TBXAS1: variants seen among roughly 807,000 people sequenced by gnomAD.
The protein encoded by TBXAS1 is thromboxane A synthase 1.
TBXAS1 carries 48 observed loss-of-function variants against 60.7 expected under a neutral mutation model. That is an observed-to-expected ratio of 0.79 (90% CI 0.63 to 1.01). TBXAS1 has a LOEUF of 1.01. TBXAS1 is among the 50% of genes least tolerant of loss of function. TBXAS1 has a pLI of 0.00. For missense variants in TBXAS1, 685 were observed against 686.3 expected (o/e 1.00, Z 0.02); for synonymous variants, 287 against 269.7 (o/e 1.06, Z -0.63).
intron 9 of TBXAS1, among the ~76,000 whole-genome samples, chr7:139,967,915 G>T (rs887289822): frequency 1.3e-5 from 2 of 152,174 alleles, no homozygotes; most frequent in Non-Finnish European, 2.9e-5. Context: ...AAATTAGAAG[G>T]TATAAGTCCG....
intron 10 of TBXAS1, among the ~76,000 whole-genome samples, chr7:140,014,365 G>T (rs1362733732): frequency 6.6e-6 from 1 of 152,180 alleles, no homozygotes; most frequent in East Asian, 1.9e-4. Context: ...GACCGCCCAG[G>T]GAAGAGGCCG....
At chr7:139,970,807 A>C (rs118060151) in intron 9 of TBXAS1, among the ~76,000 whole-genome samples, 134 of 152,246 alleles carry the variant, frequency 8.8e-4, no homozygotes, top group Non-Finnish European at 1.3e-3. Flanking sequence ...GTCATTTTCA[A>C]AGCAGATGAA....
intron 9 of TBXAS1, among the ~76,000 whole-genome samples, chr7:140,006,887 G>A (rs764422556): frequency 3.9e-5 from 6 of 152,158 alleles, no homozygotes; most frequent in Non-Finnish European, 7.3e-5. Flanking sequence ...CTGAGCCCCA[G>A]GCTAGCACCG....
chr7:139,998,063 A>G (rs994737119), intron 9 of TBXAS1, among the ~76,000 whole-genome samples: 7 of 152,348 alleles, frequency 4.6e-5, no homozygotes, highest in Non-Finnish European at 1.0e-4. Flanking sequence ...ACCACAACAC[A>G]CAACATGGGT....
At chr7:139,819,815 C>G (rs1485639974) in intron 4 of TBXAS1, among the ~76,000 whole-genome samples, 1 of 151,920 alleles carries the variant, frequency 6.6e-6, no homozygotes, top group Non-Finnish European at 1.5e-5. Context: ...CCCAACTCAG[C>G]TCTTATTTCT....
chr7:139,934,535 G>A (rs564671601), intron 4 of TBXAS1, among the ~76,000 whole-genome samples: 57 of 152,238 alleles, frequency 3.7e-4, no homozygotes, highest in African/African-American at 1.2e-3. Context: ...CTTGAACCCC[G>A]TATTAGTTTG....
chr7:139,879,042 G>C (rs1802477324), intron 3 of TBXAS1, among the ~76,000 whole-genome samples: 1 of 152,154 alleles, frequency 6.6e-6, no homozygotes, highest in Admixed American at 6.5e-5. Flanking sequence ...TGTCACCCTA[G>C]CAATTCAAGA....
At chr7:139,819,314 G>A (rs899317776) in intron 4 of TBXAS1, among the ~76,000 whole-genome samples, 5 of 152,180 alleles carry the variant, frequency 3.3e-5, no homozygotes, top group Non-Finnish European at 7.3e-5. Context: ...TCCAGTGGAC[G>A]ACAGGGTTAC....
In TBXAS1 at chr7:139,884,378, G is replaced by A. The variant is rs143521239; in HGVS notation, c.236+8741G>A. Among the ~76,000 whole-genome samples, 341 of 152,298 alleles carry A rather than the reference G, an allele frequency of 2.2e-3. 4 individuals carry two copies. The highest frequency in any genetic ancestry group is 7.7e-3 in the African/African-American group (318 of 41,564). On this transcript the variant is annotated intron_variant, in intron 3 of 12. Transcript: ENST00000448866. ...TAAGACATCTCTCTGTAAGATTTTT[G>A]CATTGGGTGTAAATATCTAAGTAAT...
intron 4 of TBXAS1, among the ~76,000 whole-genome samples, chr7:139,795,490 C>A (rs1284414423): frequency 9.2e-6 from 1 of 108,902 alleles, no homozygotes; most frequent in Non-Finnish European, 1.9e-5. Context: ...ATGGTAGTTT[C>A]TTTTGCTGTG....
intron 7 of TBXAS1, among the ~76,000 whole-genome samples, chr7:139,956,209 C>T (rs139761126): frequency 0.022 from 3,356 of 152,166 alleles, 112 homozygotes; most frequent in African/African-American, 0.076. Flanking sequence ...TGCAATGGCA[C>T]GATCTCGGCT....
chr7:139,881,613 C>T (rs1427555957), intron 3 of TBXAS1, among the ~76,000 whole-genome samples: 2 of 152,120 alleles, frequency 1.3e-5, no homozygotes, highest in African/African-American at 2.4e-5. Context: ...TGAATATCCT[C>T]GTTTGGATGT....
rs756060703 is a variant in TBXAS1 at position 139,911,271 on chromosome 7, A to G, written c.283A>G (p.Met95Val). 1.2e-6 allele frequency: 2 copies of G among 1,614,198 alleles called. No homozygotes were observed. The highest frequency in any genetic ancestry group is 1.1e-5 in the South Asian group (1 of 91,082). ...RMFIVISEPD[M>V]IKQVLVENFS... ...GTTTATTGTTATTTCTGAGCCAGACATGATCAAGCAGGTGTTGGTTGAGAA... is the reference window on the plus strand; with the variant it reads ...GTTTATTGTTATTTCTGAGCCAGACGTGATCAAGCAGGTGTTGGTTGAGAA... Residue 95 changes from methionine (M) to valine (V), a missense_variant, in exon 4 of 13, where the codon ATG (methionine) becomes GTG (valine). Transcript: ENST00000448866.
intron 5 of TBXAS1, among the ~76,000 whole-genome samples, chr7:139,939,722 A>G (rs924501964): frequency 1.3e-5 from 2 of 152,052 alleles, no homozygotes; most frequent in Non-Finnish European, 2.9e-5. Flanking sequence ...TGTGTTAGAT[A>G]TGGTTCTGGG....
chr7:139,951,593 T>TAAAACAA (rs1809264460), intron 5 of TBXAS1, among the ~76,000 whole-genome samples: 1 of 66,296 alleles, frequency 1.5e-5, no homozygotes, highest in Non-Finnish European at 2.8e-5. Context: ...CCGTCTCTAC[T>TAAAACAA]AAAAAAAAAA....
intron 3 of TBXAS1, among the ~76,000 whole-genome samples, chr7:139,910,462 C>T (rs1290103438): frequency 2.0e-5 from 3 of 152,038 alleles, no homozygotes; most frequent in African/African-American, 4.8e-5. Flanking sequence ...CAAGGTGAAA[C>T]GCTGTCTCTA....
At chr7:139,860,658 C>T (rs1800897137) in intron 1 of TBXAS1, among the ~76,000 whole-genome samples, 2 of 152,110 alleles carry the variant, frequency 1.3e-5, no homozygotes, top group Admixed American at 1.3e-4. Flanking sequence ...AAGGTTATGA[C>T]CATGACCCAG....
At chr7:139,917,784 C>A (rs1029318310) in intron 4 of TBXAS1, among the ~76,000 whole-genome samples, 2 of 152,148 alleles carry the variant, frequency 1.3e-5, no homozygotes, top group African/African-American at 4.8e-5. Context: ...AAAATGATTT[C>A]ATATTTTTGT....
chr7:139,895,642 C>T (rs1584791441), intron 3 of TBXAS1, among the ~76,000 whole-genome samples: 1 of 152,248 alleles, frequency 6.6e-6, no homozygotes, highest in East Asian at 1.9e-4. Flanking sequence ...GACAGCAAGT[C>T]CTTCCCAGAA....
Sources: allele counts gnomAD v4.1 joint callset (sites outside exome capture counted in the v4.1 genomes callset), GRCh38; gene constraint gnomAD v4.1.1; transcripts MANE v1.5; gene names NCBI Gene and HGNC (gene_info 2026-07-23, HGNC 2026-07-21).